The following FBXL17 variants were observed in gnomAD, a reference collection of about 807,000 sequenced individuals.
FBXL17 encodes F-box and leucine rich repeat protein 17.
A neutral mutation model predicts 66.2 loss-of-function variants in FBXL17; 22 were observed. The ratio of observed to expected loss-of-function variants is 0.33; its 90% CI spans 0.24 to 0.47. The LOEUF (loss-of-function observed/expected upper bound fraction) is 0.47. Ranked by LOEUF, FBXL17 falls within the 20% of genes least tolerant of loss-of-function variation. The pLI is 1.00. For missense variants in FBXL17, 878 were observed against 948.2 expected (o/e 0.93, Z 0.97); for synonymous variants, 474 against 400.5 (o/e 1.18, Z -2.19).
chr5:107,979,913 GAAAT>G (rs1011325169), intron 7 of FBXL17, among the ~76,000 whole-genome samples: 3 of 151,972 alleles, frequency 2.0e-5, no homozygotes, highest in Non-Finnish European at 2.9e-5. Flanking sequence ...AGAGATTTAA[GAAAT>G]AAATAAATAA....
At chr5:108,360,620 G>A (rs145794153) in intron 3 of FBXL17, among the ~76,000 whole-genome samples, 108 of 152,042 alleles carry the variant, frequency 7.1e-4, no homozygotes, top group Middle Eastern at 6.8e-3. Flanking sequence ...GTATAGATGC[G>A]TATCTTCCAC....
intron 7 of FBXL17, among the ~76,000 whole-genome samples, chr5:107,918,937 T>G (rs1252245798): frequency 6.6e-6 from 1 of 152,174 alleles, no homozygotes; most frequent in African/African-American, 2.4e-5. Context: ...CTTAACCCTC[T>G]CTTGGCTTGC....
At chr5:108,342,684 T>C (rs1261332744) in intron 4 of FBXL17, among the ~76,000 whole-genome samples, 14 of 152,192 alleles carry the variant, frequency 9.2e-5, no homozygotes, top group Non-Finnish European at 1.9e-4. Flanking sequence ...CCACCTGTTG[T>C]TAACTTCTTT....
chr5:108,041,583 A>T (rs1278319012), intron 6 of FBXL17, among the ~76,000 whole-genome samples: 1 of 151,806 alleles, frequency 6.6e-6, no homozygotes, highest in African/African-American at 2.4e-5. Flanking sequence ...CATCTGGCTA[A>T]TTTTTTTAAT....
intron 7 of FBXL17, among the ~76,000 whole-genome samples, chr5:108,001,362 G>A (rs1482696152): frequency 6.6e-6 from 1 of 151,982 alleles, no homozygotes; most frequent in Non-Finnish European, 1.5e-5. Flanking sequence ...TAATTAAATT[G>A]CTTCATCATT....
chr5:108,125,176 T>G (rs1485892429), intron 6 of FBXL17, among the ~76,000 whole-genome samples: 2 of 151,974 alleles, frequency 1.3e-5, no homozygotes, highest in Non-Finnish European at 2.9e-5. Flanking sequence ...ACTATAAAAA[T>G]AAAATGTAAT....
At chr5:108,298,903 C>T in intron 4 of FBXL17, 1 of 937,198 alleles carries the variant, frequency 1.1e-6, no homozygotes, top group Non-Finnish European at 1.3e-6. Context: ...TCCATATCCA[C>T]ATTAAAAGTA....
intron 6 of FBXL17, among the ~76,000 whole-genome samples, chr5:108,074,014 C>G (rs189434526): frequency 7.9e-5 from 12 of 152,328 alleles, no homozygotes; most frequent in Admixed American, 3.9e-4. Context: ...CACTCTCCCC[C>G]ATAGCCTCTT....
intron 4 of FBXL17, among the ~76,000 whole-genome samples, chr5:108,339,171 T>G (rs1249888133): frequency 6.6e-6 from 1 of 152,174 alleles, no homozygotes; most frequent in African/African-American, 2.4e-5. Flanking sequence ...CAATTCTCCT[T>G]CCTTTAAGTT....
intron 1 of FBXL17, among the ~76,000 whole-genome samples, chr5:108,380,243 G>A (rs1749748561): frequency 6.6e-6 from 1 of 152,128 alleles, no homozygotes. Context: ...AAAGTCTGGC[G>A]CAGTGCCTGA....
chr5:107,933,863 G>A (rs1561327554), intron 7 of FBXL17, among the ~76,000 whole-genome samples: 1 of 152,068 alleles, frequency 6.6e-6, no homozygotes, highest in South Asian at 2.1e-4. Context: ...AGGGATTGGG[G>A]AAGGGAAGGA....
At chr5:108,277,441 T>A (rs968271844) in intron 4 of FBXL17, among the ~76,000 whole-genome samples, 1 of 151,828 alleles carries the variant, frequency 6.6e-6, no homozygotes, top group African/African-American at 2.4e-5. Flanking sequence ...AAAATTAAAA[T>A]TGAAGAGTAA....
chr5:108,321,413 T>C (rs965236883), intron 4 of FBXL17, among the ~76,000 whole-genome samples: 5 of 151,802 alleles, frequency 3.3e-5, no homozygotes, highest in African/African-American at 1.2e-4. Flanking sequence ...CTTTTATTTG[T>C]GCAGGTATGA....
intron 4 of FBXL17, among the ~76,000 whole-genome samples, chr5:108,334,115 T>C (rs1760263763): frequency 6.6e-6 from 1 of 152,208 alleles, no homozygotes; most frequent in Admixed American, 6.5e-5. Flanking sequence ...GAGTACATTT[T>C]AATATTTTAT....
chr5:108,276,897 CAATGCATACCCTGGCT>C (rs982070196), intron 4 of FBXL17, among the ~76,000 whole-genome samples: 3 of 151,952 alleles, frequency 2.0e-5, no homozygotes, highest in African/African-American at 7.2e-5. Context: ...AAACATAAGC[CAATGCATACCCTGGCT>C]AATTTTTTCT....
rs560360987 is a variant in FBXL17, at chr5:107,885,124, G to A, written c.1823-3945C>T. 3.3e-5 allele frequency among the ~76,000 whole-genome samples: 5 copies of A among 152,186 alleles called. No homozygotes were observed. In the East Asian group the frequency reaches 5.8e-4, roughly 18 times the overall value. On this transcript the variant is annotated intron_variant, in intron 7 of 8. Transcript: ENST00000542267. ...TTAGAGGCTGTTGACACATTACAAT[G>A]GTATTTATTGAACCTTGAAAAGGGA...
chr5:108,261,014 G>C (rs537997655), intron 4 of FBXL17, among the ~76,000 whole-genome samples: 1 of 152,142 alleles, frequency 6.6e-6, no homozygotes, highest in Admixed American at 6.5e-5. Flanking sequence ...ATAGCAATGT[G>C]AAGTATGAAT....
At chr5:108,062,247 C>T (rs1358762410) in intron 6 of FBXL17, among the ~76,000 whole-genome samples, 3 of 151,928 alleles carry the variant, frequency 2.0e-5, no homozygotes, top group African/African-American at 4.8e-5. Context: ...TAAAAAATGA[C>T]CTTTTCATTT....
chr5:107,961,564 A>T (rs1751910057), intron 7 of FBXL17, among the ~76,000 whole-genome samples: 1 of 152,054 alleles, frequency 6.6e-6, no homozygotes, highest in East Asian at 1.9e-4. Flanking sequence ...GGGGGTGTAG[A>T]GTGGGAGTAG....
Sources: gnomAD v4.1 joint callset for allele counts (sites outside exome capture counted in the v4.1 genomes callset) on GRCh38, gnomAD v4.1.1 for gene constraint, MANE v1.5 for transcripts, NCBI Gene and HGNC (gene_info 2026-07-23, HGNC 2026-07-21) for gene names.